NEDD1: variants seen among roughly 807,000 people sequenced by gnomAD.
The protein encoded by NEDD1 is protein NEDD1.
Under a neutral mutation model 74.0 loss-of-function variants are expected in NEDD1, and 33 were observed. That is an observed-to-expected ratio of 0.45 (90% CI 0.34 to 0.60). The LOEUF is 0.60. Among genes scored for constraint, NEDD1 ranks in the 20% least tolerant of loss-of-function variants. The pLI is 0.01. For missense variants in NEDD1, 746 were observed against 776.5 expected (o/e 0.96, Z 0.47); for synonymous variants, 250 against 264.4 (o/e 0.95, Z 0.53).
intron 4 of NEDD1, 47 bp from the exon 5 acceptor site, chr12:96,917,574 C>G (rs766260394): frequency 1.4e-6 from 2 of 1,474,600 alleles, no homozygotes; most frequent in Non-Finnish European, 1.8e-6. Context: ...AAAGTCAGCT[C>G]TGGGCTCTGT....
intron 6 of NEDD1, among the ~76,000 whole-genome samples, chr12:96,933,044 A>T (rs560279035): frequency 1.3e-5 from 2 of 151,500 alleles, no homozygotes; most frequent in African/African-American, 4.9e-5. Context: ...GGTCCCAAGA[A>T]CTTGAAGTAA....
intron 6 of NEDD1, among the ~76,000 whole-genome samples, chr12:96,924,094 T>A (rs866241059): frequency 3.3e-5 from 5 of 152,326 alleles, no homozygotes; most frequent in Middle Eastern, 3.4e-3. Flanking sequence ...CCTATAGATA[T>A]CTAATTGTAC....
intron 6 of NEDD1, among the ~76,000 whole-genome samples, chr12:96,925,911 T>G (rs1004522543): frequency 2.0e-5 from 3 of 152,154 alleles, no homozygotes; most frequent in African/African-American, 7.2e-5. Flanking sequence ...AGTCCCACAT[T>G]TATTTGGAGA....
At chr12:96,944,265 T>C (rs1206799199) in intron 12 of NEDD1, among the ~76,000 whole-genome samples, 7 of 152,090 alleles carry the variant, frequency 4.6e-5, no homozygotes, top group East Asian at 3.9e-4. Flanking sequence ...TAGAATGATA[T>C]TGAAAAGATA....
At chr12:96,921,704 T>C (rs1030521433) in intron 6 of NEDD1, among the ~76,000 whole-genome samples, 2 of 151,858 alleles carry the variant, frequency 1.3e-5, no homozygotes. Flanking sequence ...CTATTGCCTA[T>C]GCTGGAGTGC....
chr12:96,913,386 T>C (rs1874122339), intron 4 of NEDD1, among the ~76,000 whole-genome samples: 1 of 151,964 alleles, frequency 6.6e-6, no homozygotes, highest in Admixed American at 6.6e-5. Context: ...TTTTTTTTTT[T>C]CTTTTGAGAT....
At chr12:96,947,768 TGC>T (rs1878338392) in intron 14 of NEDD1, among the ~76,000 whole-genome samples, 1 of 152,186 alleles carries the variant, frequency 6.6e-6, no homozygotes, top group African/African-American at 2.4e-5. Flanking sequence ...TGGCTTTCTG[TGC>T]CTCAGGAGAA....
At chr12:96,920,924 CTT>C (rs141200505) in intron 6 of NEDD1, among the ~76,000 whole-genome samples, 7,758 of 151,988 alleles carry the variant, frequency 0.051, 261 homozygotes, top group South Asian at 0.091. Context: ...AGGAAAAAGT[CTT>C]TTTTAAGTTT....
intron 6 of NEDD1, among the ~76,000 whole-genome samples, chr12:96,929,713 G>GTTCAGGT (rs1294308366): frequency 6.6e-6 from 1 of 151,210 alleles, no homozygotes; most frequent in African/African-American, 2.4e-5. Flanking sequence ...CCTCCATCCT[G>GTTCAGGT]TTCAGGTTTG....
chr12:96,937,068 G>T, intron 8 of NEDD1, 130 bp from the exon 9 acceptor site: 1 of 531,026 alleles, frequency 1.9e-6, no homozygotes. Flanking sequence ...GGAAACTCAG[G>T]TCTGCCAGCA....
intron 13 of NEDD1, among the ~76,000 whole-genome samples, chr12:96,945,384 A>G (rs1181667904): frequency 1.3e-5 from 2 of 152,008 alleles, no homozygotes; most frequent in Non-Finnish European, 2.9e-5. Context: ...TATCTAGTTT[A>G]TGGTGCAGCT....
At chr12:96,936,143 T>C (rs1480796788) in intron 7 of NEDD1, among the ~76,000 whole-genome samples, 1 of 152,220 alleles carries the variant, frequency 6.6e-6, no homozygotes. Flanking sequence ...CTCTTAGCTT[T>C]TTGGCCAAGA....
chr12:96,911,119 A>G (rs1873876561), intron 3 of NEDD1, among the ~76,000 whole-genome samples: 1 of 152,256 alleles, frequency 6.6e-6, no homozygotes, highest in Non-Finnish European at 1.5e-5. Context: ...AGGACTTTCC[A>G]GATGTGTAAT....
intron 14 of NEDD1, 67 bp downstream of exon 14, chr12:96,945,916 A>G (rs1878154932): frequency 2.2e-6 from 2 of 922,450 alleles, no homozygotes; most frequent in South Asian, 3.3e-5. Context: ...GTAAAACCAG[A>G]ACTATAGATA....
intron 14 of NEDD1, among the ~76,000 whole-genome samples, chr12:96,948,171 T>A (rs1878378033): frequency 6.6e-6 from 1 of 152,126 alleles, no homozygotes; most frequent in Non-Finnish European, 1.5e-5. Context: ...TCTTCTCTGC[T>A]GCCCTAAGGT....
chr12:96,915,834 C>T (rs141810465), intron 4 of NEDD1, among the ~76,000 whole-genome samples: 1 of 152,124 alleles, frequency 6.6e-6, no homozygotes, highest in African/African-American at 2.4e-5. Flanking sequence ...GACATTCTGG[C>T]GGGGGACAGG....
In NEDD1 at chr12:96,909,914, A is replaced by C. The variant is rs75561987; in HGVS notation, c.136+19A>C. The C allele has an allele frequency of 3.0e-4, 463 of 1,539,326 alleles. No individual in the cohort carries two copies. The highest frequency in any genetic ancestry group is 3.9e-4 in the Non-Finnish European group (444 of 1,132,574). On this transcript the variant is annotated intron_variant, in intron 3 of 15. Coordinates refer to ENST00000266742, the MANE Select transcript of NEDD1 (RefSeq NM_152905.4). ...AGCAATAGTATCCTTTAAAAAAAAA[A>C]AACACACACACACACACACAAACCG... is the stretch of plus-strand genomic sequence containing the variant.
At chr12:96,948,872 C>A (rs1418976040) in intron 14 of NEDD1, among the ~76,000 whole-genome samples, 1 of 152,180 alleles carries the variant, frequency 6.6e-6, no homozygotes, top group Non-Finnish European at 1.5e-5. Flanking sequence ...CACAAGACTT[C>A]CAGAATACTT....
chr12:96,936,041 A>G (rs555719022), intron 7 of NEDD1, among the ~76,000 whole-genome samples: 20 of 152,148 alleles, frequency 1.3e-4, no homozygotes, highest in African/African-American at 1.9e-4. Context: ...CTTCTTTTCT[A>G]CTATACACAC....
Sources: allele counts gnomAD v4.1 joint callset (sites outside exome capture counted in the v4.1 genomes callset), GRCh38; gene constraint gnomAD v4.1.1; transcripts MANE v1.5; gene names NCBI Gene and HGNC (gene_info 2026-07-23, HGNC 2026-07-21).